Variants in CREB5 observed in about 807,000 individuals in gnomAD.
CREB5 encodes cAMP responsive element binding protein 5.
Under a neutral mutation model 57.1 loss-of-function variants are expected in CREB5, and 19 were observed. The observed-to-expected ratio is 0.33, with a 90% CI of 0.23 to 0.49. The LOEUF (loss-of-function observed/expected upper bound fraction) is 0.49. Among genes scored for constraint, CREB5 ranks in the 20% least tolerant of loss-of-function variants. The pLI is 0.99. For synonymous variants in CREB5, 238 were observed against 238.3 expected (o/e 1.00, Z 0.01); for missense variants, 579 against 671.6 (o/e 0.86, Z 1.52).
At chr7:28,671,168 A>G (rs1214203544) in intron 5 of CREB5, among the ~76,000 whole-genome samples, 2 of 151,716 alleles carry the variant, frequency 1.3e-5, no homozygotes, top group African/African-American at 4.8e-5. Flanking sequence ...GGTGGGGAGG[A>G]CTGCTTCAGC....
At chr7:28,560,885 T>TGTGTGTGCGCGCGTGCGTGC (rs1365184678) in intron 4 of CREB5, among the ~76,000 whole-genome samples, 1 of 26,478 alleles carries the variant, frequency 3.8e-5, no homozygotes, top group East Asian at 2.0e-3. Context: ...CGTGCGTGCG[T>TGTGTGTGCGCGCGTGCGTGC]GCGTGTGTGT....
At chr7:28,728,036 C>CCTGGGCTGAAGCA (rs1181662665) in intron 7 of CREB5, among the ~76,000 whole-genome samples, 4 of 152,152 alleles carry the variant, frequency 2.6e-5, no homozygotes, top group Non-Finnish European at 5.9e-5. Context: ...GCCTCGAATT[C>CCTGGGCTGAAGCA]CTGGGCTGAA....
At chr7:28,436,356 T>G (rs1333018681) in intron 1 of CREB5, among the ~76,000 whole-genome samples, 1 of 152,156 alleles carries the variant, frequency 6.6e-6, no homozygotes, top group African/African-American at 2.4e-5. Context: ...TGGTTTGTGT[T>G]TAGCCTGTGT....
intron 4 of CREB5, among the ~76,000 whole-genome samples, chr7:28,560,879 CGT>C (rs1215492156): frequency 0.11 from 2,389 of 21,918 alleles, 365 homozygotes; most frequent in African/African-American, 0.19. Context: ...CGTGCGCGTG[CGT>C]GCGTGCGTGT....
intron 1 of CREB5, among the ~76,000 whole-genome samples, chr7:28,317,881 T>C (rs1785412028): frequency 6.6e-6 from 1 of 152,218 alleles, no homozygotes; most frequent in South Asian, 2.1e-4. Flanking sequence ...GCAGTGTAAT[T>C]GTACCATAGA....
chr7:28,487,079 C>A (rs1017802804), intron 1 of CREB5, among the ~76,000 whole-genome samples: 1 of 152,112 alleles, frequency 6.6e-6, no homozygotes, highest in African/African-American at 2.4e-5. Flanking sequence ...TGCCATGGTG[C>A]GATCTCAGCT....
chr7:28,560,883 CGTG>C (rs1795138800), intron 4 of CREB5, among the ~76,000 whole-genome samples: 1 of 17,278 alleles, frequency 5.8e-5, no homozygotes. Context: ...CGCGTGCGTG[CGTG>C]CGTGTGTGTG....
At chr7:28,619,238 G>A (rs534757476) in intron 5 of CREB5, among the ~76,000 whole-genome samples, 78 of 152,302 alleles carry the variant, frequency 5.1e-4, no homozygotes, top group South Asian at 1.2e-3. Flanking sequence ...CAGTAGAGGT[G>A]GGGTTTGAAC....
At chr7:28,747,085 C>CTT (rs3216232) in intron 7 of CREB5, among the ~76,000 whole-genome samples, 28 of 146,124 alleles carry the variant, frequency 1.9e-4, no homozygotes, top group Non-Finnish European at 2.1e-4. Flanking sequence ...AGAAACAAGA[C>CTT]TTTTTTTTTT....
chr7:28,594,787 G>C (rs1796639690), intron 5 of CREB5, among the ~76,000 whole-genome samples: 1 of 152,108 alleles, frequency 6.6e-6, no homozygotes, highest in African/African-American at 2.4e-5. Context: ...AACCCCACTA[G>C]AGACAGGGCC....
intron 5 of CREB5, among the ~76,000 whole-genome samples, chr7:28,585,254 C>T (rs557000031): frequency 6.6e-6 from 1 of 152,346 alleles, no homozygotes; most frequent in Admixed American, 6.5e-5. Context: ...ACTCAGCCTT[C>T]TAAGATGTTC....
At chr7:28,754,713 GA>G (rs2128765752) in intron 7 of CREB5, among the ~76,000 whole-genome samples, 1 of 152,268 alleles carries the variant, frequency 6.6e-6, no homozygotes, top group African/African-American at 2.4e-5. Flanking sequence ...GTGAGAACAT[GA>G]AAAAACTTCA....
intron 4 of CREB5, among the ~76,000 whole-genome samples, chr7:28,569,062 G>T (rs1795595930): frequency 6.6e-6 from 1 of 151,954 alleles, no homozygotes; most frequent in Non-Finnish European, 1.5e-5. Context: ...CACCCTTCTA[G>T]GCTGAAGAGC....
chr7:28,778,590 G>A (rs2128781819), intron 7 of CREB5, among the ~76,000 whole-genome samples: 1 of 152,162 alleles, frequency 6.6e-6, no homozygotes, highest in East Asian at 1.9e-4. Context: ...TAAATAATAA[G>A]GAGTAAGTAT....
intron 1 of CREB5, among the ~76,000 whole-genome samples, chr7:28,299,671 T>A (rs2127978110): frequency 6.6e-6 from 1 of 152,364 alleles, no homozygotes; most frequent in South Asian, 2.1e-4. Flanking sequence ...AAATACTGGA[T>A]GTTTTTTGCT....
At chr7:28,331,612 G>T (rs1251094612) in intron 1 of CREB5, among the ~76,000 whole-genome samples, 5 of 152,066 alleles carry the variant, frequency 3.3e-5, no homozygotes, top group Non-Finnish European at 7.4e-5. Flanking sequence ...AATTTTGGGA[G>T]GCCAAGGTGG....
chr7:28,543,359 C>A (rs1794283772), intron 4 of CREB5, among the ~76,000 whole-genome samples: 1 of 152,062 alleles, frequency 6.6e-6, no homozygotes, highest in South Asian at 2.1e-4. Context: ...TAGCATTCCA[C>A]AAAAAATATT....
intron 5 of CREB5, among the ~76,000 whole-genome samples, chr7:28,648,331 T>TA (rs1798971747): frequency 6.6e-6 from 1 of 152,048 alleles, no homozygotes; most frequent in African/African-American, 2.4e-5. Context: ...ATTTAGCCTT[T>TA]AAAAAAAGAG....
At chr7:28,654,939 C>G (rs1227288020) in intron 5 of CREB5, among the ~76,000 whole-genome samples, 1 of 152,116 alleles carries the variant, frequency 6.6e-6, no homozygotes, top group African/African-American at 2.4e-5. Context: ...CAGACAGGGT[C>G]TGACTCCATC....
Sources: allele counts gnomAD v4.1 joint callset (sites outside exome capture counted in the v4.1 genomes callset), GRCh38; gene constraint gnomAD v4.1.1; transcripts MANE v1.5; gene names NCBI Gene and HGNC (gene_info 2026-07-23, HGNC 2026-07-21).